SGCZ: variants seen among roughly 807,000 people sequenced by gnomAD.
SGCZ encodes the protein zeta-sarcoglycan.
A neutral mutation model predicts 41.3 loss-of-function variants in SGCZ; 40 were observed. That is an observed-to-expected ratio of 0.97 (90% CI 0.75 to 1.26). SGCZ has a LOEUF of 1.26. Ranked by LOEUF, SGCZ falls within the 50% of genes most tolerant of loss-of-function variation. The pLI, the probability that SGCZ is intolerant of heterozygous loss-of-function variation, is 0.00. For synonymous variants in SGCZ, 206 were observed against 137.5 expected (o/e 1.50, Z -3.49); for missense variants, 552 against 369.8 (o/e 1.49, Z -4.04).
rs137893437 is a variant in SGCZ at position 14,684,700 on chromosome 8, G to GTT, written c.40-129776_40-129775dup. ...CGACACCTTTGTTTTTCCTTTTTTT[G>GTT]TTTTTTTTTGGTTTTTGGTAAAACA... On this transcript the variant is annotated intron_variant, in intron 1 of 7. Coordinates refer to ENST00000382080, the MANE Select transcript of SGCZ (RefSeq NM_139167.4). 7.3e-3 allele frequency among the ~76,000 whole-genome samples: 1,081 copies of GTT among 148,690 alleles called. 12 individuals are homozygous for GTT. Among genetic ancestry groups the GTT allele is most frequent in the African/African-American group, 0.017 (690 of 39,830 alleles).
chr8:14,880,072 C>A (rs142914314), intron 1 of SGCZ, among the ~76,000 whole-genome samples: 1 of 152,094 alleles, frequency 6.6e-6, no homozygotes, highest in East Asian at 1.9e-4. Flanking sequence ...AACTCCTGAT[C>A]TCAGGTAATC....
chr8:14,547,485 A>G (rs1485084124), intron 2 of SGCZ, among the ~76,000 whole-genome samples: 1 of 152,146 alleles, frequency 6.6e-6, no homozygotes, highest in Non-Finnish European at 1.5e-5. Context: ...TGCCTTCATC[A>G]AGGACATAAG....
At chr8:14,816,865 A>AGAAT (rs1801916795) in intron 1 of SGCZ, among the ~76,000 whole-genome samples, 1 of 152,246 alleles carries the variant, frequency 6.6e-6, no homozygotes, top group Non-Finnish European at 1.5e-5. Flanking sequence ...AAAGGCAAAG[A>AGAAT]GAATATGTTA....
At position 14,196,263 on chromosome 8, in the gene SGCZ, A is replaced by AT. The variant is rs1563179572; in HGVS notation, c.425-31562_425-31561insA. ...AATAAAATACTAAATTAATTAGAGT[A>AT]ATTTTTTTTTTTTTTTAAAGACGGA... On this transcript the variant is annotated intron_variant, in intron 4 of 7. Transcript: ENST00000382080. Among the ~76,000 whole-genome samples, 463 of 87,490 alleles carry AT rather than the reference A, an allele frequency of 5.3e-3. 3 individuals are homozygous for AT. Among genetic ancestry groups the AT allele is most frequent in the African/African-American group, 0.013 (441 of 33,508 alleles). 57.4% of individuals were successfully genotyped at this position (87,490 alleles called of 152,430 possible).
intron 1 of SGCZ, among the ~76,000 whole-genome samples, chr8:14,789,262 T>C (rs1278034291): frequency 2.6e-5 from 4 of 152,186 alleles, no homozygotes; most frequent in Non-Finnish European, 5.9e-5. Flanking sequence ...AAAATGTACT[T>C]GTTTACAGTA....
At chr8:14,716,696 G>A (rs1476775088) in intron 1 of SGCZ, among the ~76,000 whole-genome samples, 1 of 152,002 alleles carries the variant, frequency 6.6e-6, no homozygotes, top group East Asian at 1.9e-4. Context: ...AAAACGTACA[G>A]ATAACACAAG....
At chr8:14,415,910 C>A (rs774694781) in intron 2 of SGCZ, among the ~76,000 whole-genome samples, 1 of 151,900 alleles carries the variant, frequency 6.6e-6, no homozygotes, top group Non-Finnish European at 1.5e-5. Flanking sequence ...CTTTTTCTGA[C>A]CTCCTTTAAT....
At chr8:14,151,729 A>C (rs893416062) in intron 5 of SGCZ, among the ~76,000 whole-genome samples, 3 of 152,138 alleles carry the variant, frequency 2.0e-5, no homozygotes, top group Non-Finnish European at 4.4e-5. Flanking sequence ...TGGCTACAGT[A>C]ATCAGCTGTG....
At chr8:14,476,001 C>T (rs1003003669) in intron 2 of SGCZ, among the ~76,000 whole-genome samples, 6 of 151,310 alleles carry the variant, frequency 4.0e-5, no homozygotes, top group Non-Finnish European at 2.9e-5. Flanking sequence ...AAGACAGGGT[C>T]TCACTATGTT....
intron 1 of SGCZ, among the ~76,000 whole-genome samples, chr8:14,587,714 T>G (rs1805106461): frequency 6.6e-6 from 1 of 152,172 alleles, no homozygotes; most frequent in Non-Finnish European, 1.5e-5. Flanking sequence ...AGTTATGTCT[T>G]AGGTCACTGA....
chr8:14,830,392 T>A (rs1802484564), intron 1 of SGCZ, among the ~76,000 whole-genome samples: 1 of 152,224 alleles, frequency 6.6e-6, no homozygotes, highest in South Asian at 2.1e-4. Flanking sequence ...TTTTTTAGCA[T>A]TAAATATTGT....
At chr8:14,943,666 A>G (rs1311144761) in intron 1 of SGCZ, among the ~76,000 whole-genome samples, 2 of 152,094 alleles carry the variant, frequency 1.3e-5, no homozygotes, top group African/African-American at 2.4e-5. Context: ...TGTACAAATT[A>G]TTTCATCACC....
chr8:14,878,763 A>C (rs936634475), intron 1 of SGCZ, among the ~76,000 whole-genome samples: 4 of 152,184 alleles, frequency 2.6e-5, no homozygotes, highest in Non-Finnish European at 4.4e-5. Flanking sequence ...ATGAAACACA[A>C]ATCACTCCAC....
intron 1 of SGCZ, among the ~76,000 whole-genome samples, chr8:14,637,237 C>A (rs749932488): frequency 2.0e-4 from 31 of 151,910 alleles, no homozygotes; most frequent in South Asian, 1.2e-3. Context: ...ACCCTGTCAA[C>A]CAAACACTCT....
intron 1 of SGCZ, among the ~76,000 whole-genome samples, chr8:14,882,415 G>C (rs1486477211): frequency 6.6e-6 from 1 of 152,192 alleles, no homozygotes; most frequent in East Asian, 1.9e-4. Flanking sequence ...TATCGATGAT[G>C]AGAGTTGCAA....
Position 14,369,948 on chromosome 8 carries a change from G to C in SGCZ, c.235-45744C>G, listed in dbSNP as rs150658372. 3.4e-3 allele frequency among the ~76,000 whole-genome samples: 517 copies of C among 151,964 alleles called. 4 individuals carry two copies. The highest frequency in any genetic ancestry group is 0.011 in the African/African-American group (469 of 41,496). On this transcript the variant is annotated intron_variant, in intron 2 of 7. Coordinates refer to ENST00000382080, the MANE Select transcript of SGCZ (RefSeq NM_139167.4). ...CAGGCTAATGACGTCTATTAAATGG[G>C]TTAAAATCCATTTACTGTTAATATT...
At chr8:14,881,797 G>T (rs1255626822) in intron 1 of SGCZ, among the ~76,000 whole-genome samples, 7 of 152,152 alleles carry the variant, frequency 4.6e-5, no homozygotes, top group Non-Finnish European at 8.8e-5. Flanking sequence ...TTGCCACATG[G>T]CACTTACTCT....
intron 1 of SGCZ, among the ~76,000 whole-genome samples, chr8:15,148,382 T>G (rs1799090774): frequency 6.6e-6 from 1 of 152,186 alleles, no homozygotes; most frequent in Non-Finnish European, 1.5e-5. Flanking sequence ...GATGTCAGTT[T>G]GATTTTTGCT....
chr8:14,679,684 AT>A (rs532053522), intron 1 of SGCZ, among the ~76,000 whole-genome samples: 367 of 152,014 alleles, frequency 2.4e-3, no homozygotes, highest in Non-Finnish European at 4.2e-3. Flanking sequence ...TTGAAGAAAA[AT>A]ATTCTCATAA....
Sources: gnomAD v4.1 joint callset for allele counts (sites outside exome capture counted in the v4.1 genomes callset) on GRCh38, gnomAD v4.1.1 for gene constraint, MANE v1.5 for transcripts, NCBI Gene and HGNC (gene_info 2026-07-23, HGNC 2026-07-21) for gene names.